The following DACH2 variants were observed in gnomAD, a reference collection of about 807,000 sequenced individuals.
DACH2 encodes dachshund homolog 2.
DACH2 carries 17 observed loss-of-function variants against 35.8 expected under a neutral mutation model. The ratio of observed to expected loss-of-function variants is 0.48; its 90% CI spans 0.33 to 0.71. The LOEUF (loss-of-function observed/expected upper bound fraction) is 0.71, where lower values mean the gene tolerates loss of function less well. DACH2 is among the 30% of genes least tolerant of loss of function. The pLI is 0.02. For missense variants in DACH2, 469 were observed against 472.7 expected (o/e 0.99, Z 0.07); for synonymous variants, 195 against 177.3 (o/e 1.10, Z -0.79).
chrX:86,478,989 G>T (rs61121824), intron 2 of DACH2, among the ~76,000 whole-genome samples: 10,213 of 110,382 alleles, frequency 0.093, 1,222 homozygotes, highest in African/African-American at 0.32. Context: ...GAGAATGAGT[G>T]CAAGGTTTTA....
At chrX:86,811,681 T>G (rs2042396130) in intron 7 of DACH2, among the ~76,000 whole-genome samples, 1 of 111,703 alleles carries the variant, frequency 9.0e-6, no homozygotes, top group Non-Finnish European at 1.9e-5. Context: ...TAAGAGTAAC[T>G]GAATTTCTTT....
intron 2 of DACH2, among the ~76,000 whole-genome samples, chrX:86,424,706 C>T (rs2036863495): frequency 9.0e-6 from 1 of 111,443 alleles, no homozygotes. Context: ...GCCAGGACTT[C>T]CAGTACTATG....
At chrX:86,496,577 A>G (rs1454855887) in intron 2 of DACH2, among the ~76,000 whole-genome samples, 1 of 110,244 alleles carries the variant, frequency 9.1e-6, no homozygotes, top group African/African-American at 3.3e-5. Flanking sequence ...AAGAGAAGGG[A>G]GGGGGGACCT....
At chrX:86,514,504 A>G (rs1396357948) in intron 3 of DACH2, 113 bp downstream of exon 3, 4 of 698,943 alleles carry the variant, frequency 5.7e-6, no homozygotes, top group Non-Finnish European at 8.1e-6. Flanking sequence ...GCTCTATTAG[A>G]GGTTACATTA....
intron 3 of DACH2, among the ~76,000 whole-genome samples, chrX:86,556,676 A>T (rs752144007): frequency 9.8e-6 from 1 of 102,394 alleles, no homozygotes; most frequent in Non-Finnish European, 2.0e-5. Flanking sequence ...GTCTCTGCAT[A>T]TGGGTCATTG....
intron 2 of DACH2, among the ~76,000 whole-genome samples, chrX:86,477,484 C>A (rs1055519677): frequency 9.3e-5 from 10 of 107,189 alleles, no homozygotes; most frequent in Non-Finnish European, 1.9e-4. Context: ...TATAGTGACA[C>A]CTGCTCTTTT....
At chrX:86,444,685 G>A (rs1466017875) in intron 2 of DACH2, among the ~76,000 whole-genome samples, 1 of 110,559 alleles carries the variant, frequency 9.0e-6, no homozygotes, top group Non-Finnish European at 1.9e-5. Flanking sequence ...TTTCCTTAGT[G>A]TGGATAATGG....
At chrX:86,508,315 T>C (rs1473905144) in intron 2 of DACH2, among the ~76,000 whole-genome samples, 1 of 111,048 alleles carries the variant, frequency 9.0e-6, no homozygotes, top group African/African-American at 3.3e-5. Context: ...TCCCAGCATT[T>C]TGGGAGGCCG....
chrX:86,610,387 TTC>T (rs1347572615), intron 3 of DACH2, among the ~76,000 whole-genome samples: 2 of 66,849 alleles, frequency 3.0e-5, no homozygotes, highest in South Asian at 1.8e-3. Context: ...CTTTCTTTCT[TTC>T]TTTCTTTCTT....
At chrX:86,678,050 A>G (rs1450013922) in intron 4 of DACH2, among the ~76,000 whole-genome samples, 1 of 112,012 alleles carries the variant, frequency 8.9e-6, no homozygotes, top group African/African-American at 3.2e-5. Flanking sequence ...GTAACTGGGC[A>G]TTGGTATGAG....
At chrX:86,363,698 G>A (rs142767571) in intron 1 of DACH2, among the ~76,000 whole-genome samples, 1,580 of 110,730 alleles carry the variant, frequency 0.014, 23 homozygotes, top group African/African-American at 0.048. Flanking sequence ...CTGAAAAATC[G>A]TTTGGAAATA....
intron 2 of DACH2, among the ~76,000 whole-genome samples, chrX:86,418,085 T>A: frequency 8.9e-6 from 1 of 112,224 alleles, no homozygotes; most frequent in East Asian, 2.8e-4. Flanking sequence ...CACATCCAGG[T>A]CACACTGATG....
At chrX:86,315,935 TGTA>T (rs1279759780) in intron 1 of DACH2, among the ~76,000 whole-genome samples, 1 of 109,512 alleles carries the variant, frequency 9.1e-6, no homozygotes, top group East Asian at 2.9e-4. Flanking sequence ...GTTACCAAGT[TGTA>T]GTAAAAATAT....
intron 1 of DACH2, among the ~76,000 whole-genome samples, chrX:86,342,586 C>A (rs756845777): frequency 9.1e-6 from 1 of 109,657 alleles, no homozygotes; most frequent in Non-Finnish European, 1.9e-5. Context: ...GCAGACAGAT[C>A]ACTTGATGTA....
At chrX:86,622,533 C>A (rs1287015897) in intron 3 of DACH2, among the ~76,000 whole-genome samples, 1 of 111,196 alleles carries the variant, frequency 9.0e-6, no homozygotes, top group Non-Finnish European at 1.9e-5. Flanking sequence ...AGGAAGCATT[C>A]TTCACAAGCT....
At chrX:86,753,879 C>A (rs753153752) in intron 7 of DACH2, among the ~76,000 whole-genome samples, 3 of 109,097 alleles carry the variant, frequency 2.7e-5, no homozygotes. Context: ...CAAGTTTTAT[C>A]TTTTGATCTC....
chrX:86,169,902 A>G (rs962591331), intron 1 of DACH2, among the ~76,000 whole-genome samples: 2 of 110,601 alleles, frequency 1.8e-5, no homozygotes, highest in Non-Finnish European at 1.9e-5. Context: ...GTTGATGCTA[A>G]TAGATGTTCT....
intron 1 of DACH2, among the ~76,000 whole-genome samples, chrX:86,211,787 A>G (rs2032452473): frequency 1.8e-5 from 2 of 111,775 alleles, no homozygotes; most frequent in Admixed American, 1.9e-4. Flanking sequence ...CTAAAGTATA[A>G]ATTCAAGTGT....
intron 2 of DACH2, among the ~76,000 whole-genome samples, chrX:86,501,300 A>C (rs1486719111): frequency 8.9e-6 from 1 of 111,878 alleles, no homozygotes; most frequent in Admixed American, 9.5e-5. Context: ...TGAAATGCTC[A>C]TGTAACTGCA....
Sources: allele counts gnomAD v4.1 joint callset (sites outside exome capture counted in the v4.1 genomes callset), GRCh38; gene constraint gnomAD v4.1.1; transcripts MANE v1.5; gene names NCBI Gene and HGNC (gene_info 2026-07-23, HGNC 2026-07-21).